Variants in DNAH8 observed in about 807,000 individuals in gnomAD.
The protein encoded by DNAH8 is axonemal beta dynein heavy chain 8.
Under a neutral mutation model 562.1 loss-of-function variants are expected in DNAH8, and 382 were observed. The ratio of observed to expected loss-of-function variants is 0.68; its 90% CI spans 0.63 to 0.74. The LOEUF is 0.74. DNAH8 is among the 30% of genes least tolerant of loss of function. The pLI is 0.00. For synonymous variants in DNAH8, 1,881 were observed against 1,919.4 expected (o/e 0.98, Z 0.52); for missense variants, 5,203 against 5,620.4 (o/e 0.93, Z 2.37).
intron 58 of DNAH8, among the ~76,000 whole-genome samples, chr6:38,891,635 C>A (rs1469710243): frequency 6.6e-6 from 1 of 152,180 alleles, no homozygotes; most frequent in African/African-American, 2.4e-5. Context: ...AACACAGGGC[C>A]TTTGCACATG....
chr6:38,750,367 C>A, intron 8 of DNAH8, 109 bp from the exon 9 acceptor site: 2 of 570,464 alleles, frequency 3.5e-6, no homozygotes, highest in Non-Finnish European at 3.0e-6. Flanking sequence ...ACTTAAATAT[C>A]TACCATTTTA....
chr6:38,874,712 G>A (rs78092995), intron 52 of DNAH8, among the ~76,000 whole-genome samples: 3,940 of 152,108 alleles, frequency 0.026, 174 homozygotes, highest in African/African-American at 0.088. Flanking sequence ...TAGTCTTTGA[G>A]TTAAAACAGA....
chr6:38,938,836 A>G lies in DNAH8; in HGVS notation c.11855A>G (p.Asn3952Ser), dbSNP rs762402382. Residue 3952 changes from asparagine (N) to serine (S), a missense_variant, in exon 79 of 93, where the codon AAT becomes AGT. Physicochemically the swap from Asn to Ser is conservative, Grantham distance 46. Coordinates refer to ENST00000327475, the MANE Select transcript of DNAH8 (RefSeq NM_001206927.2). ...KSPLPQKRIT[N>S]IIEYLTYEVF... ...CCACTACCTCAAAAGAGAATTACAAATATTATCGAGTACCTGACATATGAA... is the reference window on the plus strand; with the variant it reads ...CCACTACCTCAAAAGAGAATTACAAGTATTATCGAGTACCTGACATATGAA... 1 of 1,612,322 alleles carries G rather than the reference A, an allele frequency of 6.2e-7. No homozygotes were observed.
intron 79 of DNAH8, among the ~76,000 whole-genome samples, chr6:38,940,652 C>A (rs1266680946): frequency 3.9e-5 from 6 of 152,168 alleles, no homozygotes; most frequent in African/African-American, 7.2e-5. Flanking sequence ...ACAAGTGACA[C>A]ATGTCACTTA....
At chr6:38,782,788 T>C (rs1768766925) in intron 16 of DNAH8, among the ~76,000 whole-genome samples, 2 of 152,182 alleles carry the variant, frequency 1.3e-5, no homozygotes, top group African/African-American at 4.8e-5. Flanking sequence ...CTAAACCCTT[T>C]GTTTCCTTTT....
chr6:38,732,613 A>G (rs1340794565), intron 4 of DNAH8, among the ~76,000 whole-genome samples: 4 of 152,338 alleles, frequency 2.6e-5, no homozygotes, highest in Middle Eastern at 3.4e-3. Flanking sequence ...AAGGACAAGA[A>G]TAGAGCATTT....
In DNAH8 at chr6:38,886,956, GT is replaced by G; in HGVS notation, c.8426del (p.Val2809GlyfsTer12). The G allele has an allele frequency of 1.2e-6, 2 of 1,613,756 alleles. No homozygotes were observed. The highest frequency in any genetic ancestry group is 1.1e-5 in the South Asian group (1 of 91,070). ...ACAACGTTTAAAAAGACAATTTACT[GT>G]GTTTAATTGTACATTGCCTTCAAAT... ...IPQRLKRQFT[V>X]FNCTLPSNAS... On this transcript the variant is annotated frameshift_variant, in exon 57 of 93. Transcript: ENST00000327475. LOFTEE classifies it high-confidence loss of function.
intron 70 of DNAH8, among the ~76,000 whole-genome samples, chr6:38,919,580 A>G (rs1252001838): frequency 6.6e-6 from 1 of 152,226 alleles, no homozygotes; most frequent in Non-Finnish European, 1.5e-5. Context: ...AGTATAAACA[A>G]AGAACATGAA....
chr6:39,024,827 C>A (rs1475514861), intron 91 of DNAH8, among the ~76,000 whole-genome samples: 1 of 152,198 alleles, frequency 6.6e-6, no homozygotes, highest in African/African-American at 2.4e-5. Context: ...GTCTCTCCTA[C>A]TAGGCACTCG....
chr6:39,014,961 G>A (rs572729158), intron 91 of DNAH8, among the ~76,000 whole-genome samples: 1 of 152,306 alleles, frequency 6.6e-6, no homozygotes, highest in East Asian at 1.9e-4. Context: ...AGGTGCCAAG[G>A]AGGGAACAGA....
chr6:38,757,936 G>A (rs12173602), intron 10 of DNAH8, among the ~76,000 whole-genome samples: 12,136 of 152,230 alleles, frequency 0.08, 1,015 homozygotes, highest in East Asian at 0.44. Context: ...TTGTAGTATA[G>A]TTTGAAGTCA....
At chr6:38,738,869 G>A (rs1023665770) in intron 7 of DNAH8, among the ~76,000 whole-genome samples, 4 of 152,108 alleles carry the variant, frequency 2.6e-5, no homozygotes, top group Admixed American at 6.6e-5. Flanking sequence ...TGCAGCCACC[G>A]TGCCCAGCCA....
intron 91 of DNAH8, among the ~76,000 whole-genome samples, 166 bp from the exon 92 acceptor site, chr6:39,026,380 A>C (rs1211767804): frequency 2.0e-5 from 3 of 152,212 alleles, no homozygotes; most frequent in African/African-American, 7.2e-5. Context: ...TCCCCACAGA[A>C]ACGAAACACT....
intron 92 of DNAH8, among the ~76,000 whole-genome samples, chr6:39,027,124 A>G (rs1222060170): frequency 6.6e-6 from 1 of 152,126 alleles, no homozygotes; most frequent in African/African-American, 2.4e-5. Context: ...AGTCCCAGCT[A>G]TTTGGGAGGA....
chr6:38,938,509 A>C (rs1012048069), intron 78 of DNAH8, among the ~76,000 whole-genome samples: 3 of 152,236 alleles, frequency 2.0e-5, no homozygotes, highest in African/African-American at 7.2e-5. Context: ...CAAATACCGC[A>C]TAGTCTCATT....
At chr6:38,906,916 G>A (rs1446779323) in intron 63 of DNAH8, among the ~76,000 whole-genome samples, 4 of 152,068 alleles carry the variant, frequency 2.6e-5, no homozygotes, top group Non-Finnish European at 4.4e-5. Context: ...TTTTGAGCAC[G>A]GACATGATGC....
intron 36 of DNAH8, among the ~76,000 whole-genome samples, chr6:38,847,064 A>G (rs1562977226): frequency 6.6e-6 from 1 of 152,218 alleles, no homozygotes; most frequent in Non-Finnish European, 1.5e-5. Context: ...CTGGATCCCT[A>G]GGACTACTTT....
rs372085210 is a variant in DNAH8, at chr6:38,907,943, C to G, written c.9349-13C>G. ...CTTAAAACACAGAACACTTCCTTGT[C>G]CATTCCTTAAAGATCTCCAACTTGT... is the stretch of plus-strand genomic sequence containing the variant. On this transcript the variant is annotated splice_polypyrimidine_tract_variant and intron_variant, in intron 63 of 92. Transcript: ENST00000327475. 1.3e-6 allele frequency: 2 copies of G among 1,576,864 alleles called. No individual in the cohort carries two copies. Among genetic ancestry groups the G allele is most frequent in the African/African-American group, 2.7e-5 (2 of 73,110 alleles).
At chr6:39,006,947 C>G (rs1002296930) in intron 88 of DNAH8, among the ~76,000 whole-genome samples, 3 of 152,152 alleles carry the variant, frequency 2.0e-5, no homozygotes, top group Admixed American at 1.3e-4. Flanking sequence ...GGGCTTCTCT[C>G]CTGTCTCATT....
Sources: allele counts gnomAD v4.1 joint callset (sites outside exome capture counted in the v4.1 genomes callset), GRCh38; gene constraint gnomAD v4.1.1; transcripts MANE v1.5; gene names NCBI Gene and HGNC (gene_info 2026-07-23, HGNC 2026-07-21).